The following NSUN6 variants were observed in gnomAD, a reference collection of about 807,000 sequenced individuals.
NSUN6 encodes tRNA (cytosine(72)-C(5))-methyltransferase NSUN6.
A neutral mutation model predicts 58.0 loss-of-function variants in NSUN6; 64 were observed. The observed-to-expected ratio is 1.10, with a 90% CI of 0.90 to 1.36. The LOEUF (loss-of-function observed/expected upper bound fraction) is 1.36. Among genes scored for constraint, NSUN6 ranks in the 40% most tolerant of loss-of-function variants. The pLI, the probability that NSUN6 is intolerant of heterozygous loss-of-function variation, is 0.00. For synonymous variants in NSUN6, 231 were observed against 193.9 expected (o/e 1.19, Z -1.59); for missense variants, 701 against 550.1 (o/e 1.27, Z -2.74).
intron 3 of NSUN6, among the ~76,000 whole-genome samples, chr10:18,635,294 T>C (rs377732532): frequency 2.8e-4 from 43 of 152,354 alleles, no homozygotes; most frequent in African/African-American, 7.9e-4. Context: ...GGTTTTGCTT[T>C]TGTATGCTTT....
chr10:18,653,036 T>A (rs2059736089), upstream of NSUN6: 2 of 984,742 alleles, frequency 2.0e-6, no homozygotes, highest in Non-Finnish European at 2.4e-6. Flanking sequence ...GGCTAAAACA[T>A]CTGAAAGTGA....
At chr10:18,592,409 C>G (rs1278841242) in intron 7 of NSUN6, among the ~76,000 whole-genome samples, 1 of 152,144 alleles carries the variant, frequency 6.6e-6, no homozygotes, top group African/African-American at 2.4e-5. Flanking sequence ...GCAAGTATAG[C>G]CAAGCCAATC....
chr10:18,631,018 A>T (rs923812733), intron 3 of NSUN6, among the ~76,000 whole-genome samples: 3 of 151,978 alleles, frequency 2.0e-5, no homozygotes, highest in African/African-American at 7.2e-5. Flanking sequence ...AATACTGGCA[A>T]ACCGAATCCA....
chr10:18,606,066 G>A (rs1474509002), intron 6 of NSUN6, among the ~76,000 whole-genome samples: 1 of 152,138 alleles, frequency 6.6e-6, no homozygotes, highest in African/African-American at 2.4e-5. Flanking sequence ...CACAGTGCCT[G>A]ATGCATAATA....
upstream of NSUN6, chr10:18,652,470 T>C (rs2059726185): frequency 1.0e-6 from 1 of 984,380 alleles, no homozygotes; most frequent in South Asian, 4.7e-5. Context: ...GAACAGGTAC[T>C]TTCCATGACA....
intron 8 of NSUN6, among the ~76,000 whole-genome samples, chr10:18,562,139 T>C (rs1190850246): frequency 6.9e-6 from 1 of 144,372 alleles, no homozygotes; most frequent in Non-Finnish European, 1.5e-5. Flanking sequence ...GAGAATAGAA[T>C]GGAATGGAAA....
intron 3 of NSUN6, among the ~76,000 whole-genome samples, chr10:18,631,497 A>G (rs2059029516): frequency 7.7e-6 from 1 of 129,430 alleles, no homozygotes; most frequent in Non-Finnish European, 1.6e-5. Flanking sequence ...TTGTATATCT[A>G]GAAAACCCCA....
intron 5 of NSUN6, among the ~76,000 whole-genome samples, chr10:18,613,217 A>G (rs764887760): frequency 7.2e-5 from 11 of 152,010 alleles, no homozygotes; most frequent in Non-Finnish European, 1.3e-4. Context: ...CTGCCTCAGC[A>G]TCCTGAGTAG....
chr10:18,591,526 A>G (rs1468556232), intron 7 of NSUN6, among the ~76,000 whole-genome samples: 4 of 152,152 alleles, frequency 2.6e-5, no homozygotes, highest in Admixed American at 6.5e-5. Flanking sequence ...ATCCACCACA[A>G]TCAAGTCAGC....
chr10:18,591,840 T>C (rs1053813662), intron 7 of NSUN6, among the ~76,000 whole-genome samples: 1 of 152,054 alleles, frequency 6.6e-6, no homozygotes, highest in African/African-American at 2.4e-5. Context: ...CCACTCCTAT[T>C]CAACATAGTA....
At chr10:18,642,676 C>T (rs913554262) in intron 2 of NSUN6, 121 bp from the exon 3 acceptor site, 4 of 549,604 alleles carry the variant, frequency 7.3e-6, no homozygotes, top group East Asian at 5.8e-5. Context: ...GGCATTTTCA[C>T]CTTATTCCAC....
intron 6 of NSUN6, among the ~76,000 whole-genome samples, chr10:18,608,950 C>T (rs1396625577): frequency 1.3e-5 from 2 of 152,164 alleles, no homozygotes; most frequent in Non-Finnish European, 2.9e-5. Context: ...TAATAATAAA[C>T]GTCCGTTGTT....
chr10:18,600,334 G>A (rs1015035769), intron 6 of NSUN6, among the ~76,000 whole-genome samples: 1 of 152,088 alleles, frequency 6.6e-6, no homozygotes, highest in African/African-American at 2.4e-5. Context: ...CACATAGAAT[G>A]AAAAAAGAGG....
chr10:18,643,013 C>T (rs2059433599), intron 2 of NSUN6, among the ~76,000 whole-genome samples: 1 of 151,854 alleles, frequency 6.6e-6, no homozygotes, highest in Non-Finnish European at 1.5e-5. Flanking sequence ...TTGGGATTTT[C>T]AGTATCCTCT....
intron 3 of NSUN6, among the ~76,000 whole-genome samples, chr10:18,635,437 G>C (rs1240639763): frequency 2.0e-5 from 3 of 152,152 alleles, no homozygotes; most frequent in Admixed American, 1.3e-4. Flanking sequence ...AGCACACAAA[G>C]TCCTGCTGCC....
At chr10:18,558,732 T>C (rs563835538) in intron 8 of NSUN6, among the ~76,000 whole-genome samples, 2 of 141,946 alleles carry the variant, frequency 1.4e-5, no homozygotes, top group East Asian at 2.3e-4. Flanking sequence ...TGAAATGGAA[T>C]GGAGGATGGA....
At chr10:18,658,484 T>C (rs549569027), upstream of NSUN6, 2 of 161,564 alleles carry the variant, frequency 1.2e-5, no homozygotes, top group South Asian at 2.0e-4. Context: ...AGCTTTTCTT[T>C]TCAATGCTAG....
chr10:18,647,206 G>A (rs1381874989), intron 2 of NSUN6, among the ~76,000 whole-genome samples: 1 of 152,136 alleles, frequency 6.6e-6, no homozygotes, highest in East Asian at 1.9e-4. Flanking sequence ...AAGGGGATAA[G>A]TGACTCAGTG....
At chr10:18,633,654 C>G (rs554776823) in intron 3 of NSUN6, among the ~76,000 whole-genome samples, 1 of 152,018 alleles carries the variant, frequency 6.6e-6, no homozygotes, top group Non-Finnish European at 1.5e-5. Flanking sequence ...AAATCAGAAT[C>G]TAGGAATATC....
Sources: allele counts gnomAD v4.1 joint callset (sites outside exome capture counted in the v4.1 genomes callset), GRCh38; gene constraint gnomAD v4.1.1; transcripts MANE v1.5; gene names NCBI Gene and HGNC (gene_info 2026-07-23, HGNC 2026-07-21).